The following DLG1 variants were observed in gnomAD, a reference collection of about 807,000 sequenced individuals.
DLG1 encodes the protein disks large homolog 1.
Under a neutral mutation model 123.4 loss-of-function variants are expected in DLG1, and 42 were observed. The observed-to-expected ratio is 0.34, with a 90% CI of 0.27 to 0.44. The LOEUF (loss-of-function observed/expected upper bound fraction) is 0.44. Among genes scored for constraint, DLG1 ranks in the 20% least tolerant of loss-of-function variants. The pLI, the probability that DLG1 is intolerant of heterozygous loss-of-function variation, is 1.00. For missense variants in DLG1, 942 were observed against 1,082.6 expected (o/e 0.87, Z 1.82); for synonymous variants, 317 against 356.2 (o/e 0.89, Z 1.24).
intron 5 of DLG1, among the ~76,000 whole-genome samples, chr3:197,171,221 G>A (rs769351755): frequency 1.4e-4 from 21 of 152,124 alleles, no homozygotes; most frequent in Non-Finnish European, 2.5e-4. Flanking sequence ...ATATAGCACA[G>A]TAGATTTATA....
chr3:197,184,158 T>C, intron 5 of DLG1: 1 of 1,036,056 alleles, frequency 9.7e-7, no homozygotes, highest in Non-Finnish European at 1.2e-6. Context: ...ATCCAGGAAG[T>C]GAGGTCGATT....
At chr3:197,236,860 ATATAT>A (rs1280684643) in intron 4 of DLG1, among the ~76,000 whole-genome samples, 1 of 152,220 alleles carries the variant, frequency 6.6e-6, no homozygotes, top group African/African-American at 2.4e-5. Flanking sequence ...TTCAAAATAA[ATATAT>A]TATTTTATTC....
At chr3:197,291,597 C>A (rs1774959104) in intron 3 of DLG1, among the ~76,000 whole-genome samples, 1 of 152,148 alleles carries the variant, frequency 6.6e-6, no homozygotes, top group South Asian at 2.1e-4. Flanking sequence ...ATTTAGTATT[C>A]TTTATCAGAT....
At chr3:197,229,790 G>A (rs1741929619) in intron 4 of DLG1, among the ~76,000 whole-genome samples, 1 of 152,108 alleles carries the variant, frequency 6.6e-6, no homozygotes, top group Non-Finnish European at 1.5e-5. Flanking sequence ...AAGCGTAATC[G>A]CCTTACTTAA....
intron 17 of DLG1, 50 bp from the exon 18 acceptor site, chr3:197,076,735 G>GTTT (rs764246763): frequency 1.4e-6 from 2 of 1,417,592 alleles, no homozygotes. Context: ...CTGTCTGTGT[G>GTTT]TACAAAGGCC....
At chr3:197,175,325 G>C (rs1162938049) in intron 5 of DLG1, among the ~76,000 whole-genome samples, 1 of 152,158 alleles carries the variant, frequency 6.6e-6, no homozygotes, top group East Asian at 1.9e-4. Context: ...AATAGTGCCA[G>C]GAAGTACAAG....
chr3:197,089,830 G>C (rs1221897286), intron 15 of DLG1, among the ~76,000 whole-genome samples: 2 of 152,092 alleles, frequency 1.3e-5, no homozygotes, highest in African/African-American at 2.4e-5. Flanking sequence ...AGAGTTTAAT[G>C]AGTACTGCTA....
intron 4 of DLG1, among the ~76,000 whole-genome samples, chr3:197,265,571 G>A (rs764556495): frequency 1.3e-5 from 2 of 152,144 alleles, no homozygotes; most frequent in African/African-American, 2.4e-5. Context: ...AGTTCCCCTC[G>A]AGTCTTCAGA....
chr3:197,104,932 A>G lies in DLG1; in HGVS notation c.1517T>C (p.Val506Ala). 1 of 1,613,588 alleles carries G rather than the reference A, an allele frequency of 6.2e-7. No individual in the cohort carries two copies. The highest frequency in any genetic ancestry group is 1.3e-5 in the African/African-American group (1 of 75,046). ...AGGTCGATATTGTGCAACAATTGTG[A>G]CAGCCTGGCCAGCATTTTTCAATGC... ...AAALKNAGQA[V>A]TIVAQYRPEE... Residue 506 changes from valine (V) to alanine (A), a missense_variant, in exon 14 of 25, where the codon GTC (valine) becomes GCC (alanine). By Grantham distance (64) the Val-to-Ala change is moderately conservative. Transcript: ENST00000667157.
intron 11 of DLG1, among the ~76,000 whole-genome samples, chr3:197,119,978 G>A (rs887180679): frequency 3.3e-5 from 5 of 152,098 alleles, no homozygotes; most frequent in South Asian, 2.1e-4. Flanking sequence ...AAAAACTGTC[G>A]TCCAGGCGTA....
At chr3:197,165,945 A>C (rs1704774828) in intron 5 of DLG1, among the ~76,000 whole-genome samples, 1 of 152,226 alleles carries the variant, frequency 6.6e-6, no homozygotes, top group African/African-American at 2.4e-5. Context: ...ACCTTGGTGC[A>C]GATGACCTCC....
At chr3:197,153,832 G>A (rs527892936) in intron 5 of DLG1, among the ~76,000 whole-genome samples, 47 of 152,274 alleles carry the variant, frequency 3.1e-4, no homozygotes, top group African/African-American at 1.1e-3. Context: ...ACCTGAGGCT[G>A]ATCTTTGATA....
chr3:197,279,662 T>G (rs115907760), intron 4 of DLG1, among the ~76,000 whole-genome samples: 1 of 152,164 alleles, frequency 6.6e-6, no homozygotes, highest in Non-Finnish European at 1.5e-5. Context: ...TTTCAGGAGG[T>G]GTAGAAACCA....
rs1358460144 is a variant in DLG1, at chr3:197,102,473, G to T, written c.1546+2430C>A. On this transcript the variant is annotated intron_variant, in intron 14 of 24. Coordinates refer to ENST00000667157, the MANE Select transcript of DLG1 (RefSeq NM_001366207.1). ...ACTCCTTTTGTACTTCTTAAAATCC[G>T]ATTTGTGTTAATGTTTTTGTGTTGT... Among the ~76,000 whole-genome samples, 3 of 152,288 alleles carry T rather than the reference G, an allele frequency of 2.0e-5. No individual in the cohort carries two copies. The South Asian group carries it at 6.2e-4, about 32-fold the overall frequency.
chr3:197,203,247 G>C (rs1726771707), intron 4 of DLG1, among the ~76,000 whole-genome samples: 1 of 152,132 alleles, frequency 6.6e-6, no homozygotes, highest in South Asian at 2.1e-4. Flanking sequence ...CTAGGCAACA[G>C]AGTGAGACCC....
chr3:197,219,787 G>A (rs1035189922), intron 4 of DLG1, among the ~76,000 whole-genome samples: 1 of 152,116 alleles, frequency 6.6e-6, no homozygotes, highest in East Asian at 1.9e-4. Flanking sequence ...GTAAGAAGGT[G>A]GCCATCTGCA....
intron 13 of DLG1, 111 bp from the exon 14 acceptor site, chr3:197,105,116 T>C: frequency 1.6e-6 from 1 of 615,184 alleles, no homozygotes; most frequent in African/African-American, 1.9e-5. Flanking sequence ...GCAATAACTT[T>C]ACCACTAAAA....
intron 22 of DLG1, among the ~76,000 whole-genome samples, chr3:197,061,796 A>T (rs1008310833): frequency 6.6e-6 from 1 of 152,128 alleles, no homozygotes; most frequent in Non-Finnish European, 1.5e-5. Context: ...TCCCATTATT[A>T]GTGATCCTAA....
chr3:197,187,165 C>A (rs1026538207), intron 5 of DLG1, among the ~76,000 whole-genome samples: 1 of 152,104 alleles, frequency 6.6e-6, no homozygotes, highest in Non-Finnish European at 1.5e-5. Context: ...TGTATGAGCA[C>A]CATCTAGTGG....
Sources: gnomAD v4.1 joint callset for allele counts (sites outside exome capture counted in the v4.1 genomes callset) on GRCh38, gnomAD v4.1.1 for gene constraint, MANE v1.5 for transcripts, NCBI Gene and HGNC (gene_info 2026-07-23, HGNC 2026-07-21) for gene names.